FARS2: variants seen among roughly 807,000 people sequenced by gnomAD.
The protein encoded by FARS2 is phenylalanyl-tRNA synthetase 2, mitochondrial.
In FARS2, 40 loss-of-function variants were observed where a neutral mutation model predicts 46.4. The observed-to-expected ratio is 0.86, with a 90% CI of 0.67 to 1.12. FARS2 has a LOEUF of 1.12. FARS2 is among the 50% of genes most tolerant of loss of function. The probability of loss-of-function intolerance (pLI) is 0.00; values close to 1 mark genes in which losing one functional copy is unlikely to be tolerated. For synonymous variants in FARS2, 234 were observed against 214.9 expected (o/e 1.09, Z -0.78); for missense variants, 513 against 567.9 (o/e 0.90, Z 0.98).
chr6:5,315,975 C>T (rs922493608), intron 1 of FARS2, among the ~76,000 whole-genome samples: 7 of 152,226 alleles, frequency 4.6e-5, no homozygotes, highest in Non-Finnish European at 8.8e-5. Context: ...TGCTGATGCT[C>T]ACTGTGTCAT....
intron 6 of FARS2, among the ~76,000 whole-genome samples, chr6:5,668,342 C>T (rs1778250348): frequency 6.6e-6 from 1 of 152,164 alleles, no homozygotes; most frequent in African/African-American, 2.4e-5. Flanking sequence ...AGCAGCAGCT[C>T]ATGTGAATGA....
chr6:5,270,201 T>C (rs1765847135), intron 1 of FARS2, among the ~76,000 whole-genome samples: 1 of 152,228 alleles, frequency 6.6e-6, no homozygotes, highest in African/African-American at 2.4e-5. Context: ...CAGCATACTT[T>C]CTTTCCTGTT....
intron 5 of FARS2, among the ~76,000 whole-genome samples, chr6:5,557,456 C>A (rs1771727551): frequency 6.6e-6 from 1 of 152,136 alleles, no homozygotes. Flanking sequence ...GAGACCTCAG[C>A]AGACTTCCCT....
chr6:5,515,721 G>A (rs184022270), intron 4 of FARS2, among the ~76,000 whole-genome samples: 1 of 152,266 alleles, frequency 6.6e-6, no homozygotes, highest in East Asian at 1.9e-4. Context: ...GAGTCACTGT[G>A]CCCAGCCCAG....
In FARS2 at chr6:5,383,855, G is replaced by A. The variant is rs116155873; in HGVS notation, c.612+14673G>A. On this transcript the variant is annotated intron_variant, in intron 2 of 6. Coordinates refer to ENST00000274680, the MANE Select transcript of FARS2 (RefSeq NM_006567.5). ...CTTCTGTCACCTTCCTATAGAACAG[G>A]TGATGGAATTTAGATGGGGCCTTTG... Among the ~76,000 whole-genome samples the A allele has an allele frequency of 2.0e-3, 310 of 152,052 alleles. 1 individual carries two copies. Among genetic ancestry groups the A allele is most frequent in the African/African-American group, 7.1e-3 (294 of 41,454 alleles).
chr6:5,644,526 T>C (rs1168680938), intron 6 of FARS2, among the ~76,000 whole-genome samples: 1 of 152,150 alleles, frequency 6.6e-6, no homozygotes, highest in East Asian at 1.9e-4. Flanking sequence ...TGTTTCCTTT[T>C]AACCCTTGTT....
intron 6 of FARS2, among the ~76,000 whole-genome samples, chr6:5,679,398 C>T (rs1410830289): frequency 6.6e-6 from 1 of 152,090 alleles, no homozygotes; most frequent in East Asian, 1.9e-4. Flanking sequence ...AACATTAAGC[C>T]CTACTGCACT....
chr6:5,480,698 G>T lies in FARS2; in HGVS notation c.904+49526G>T, dbSNP rs557218623. On this transcript the variant is annotated intron_variant, in intron 4 of 6. Coordinates refer to ENST00000274680, the MANE Select transcript of FARS2 (RefSeq NM_006567.5). ...CTCCTTCTTGCCTCTCTGCCACTCT[G>T]TCCCCTTCCCTCAAATAAAAACTTC... 9.2e-5 allele frequency among the ~76,000 whole-genome samples: 14 copies of T among 152,234 alleles called. No homozygotes were observed. In the South Asian group the frequency reaches 2.9e-3, roughly 32 times the overall value.
At chr6:5,735,525 C>T (rs986939957) in intron 6 of FARS2, among the ~76,000 whole-genome samples, 2 of 152,134 alleles carry the variant, frequency 1.3e-5, no homozygotes, top group African/African-American at 2.4e-5. Flanking sequence ...CCGTTTCTCT[C>T]GAGGCTGTTG....
chr6:5,322,713 T>C (rs1234162960), intron 1 of FARS2, among the ~76,000 whole-genome samples: 1 of 152,196 alleles, frequency 6.6e-6, no homozygotes, highest in Non-Finnish European at 1.5e-5. Context: ...AGACGTGACC[T>C]TTGGGCGCTA....
chr6:5,618,652 G>A (rs1256282522), intron 6 of FARS2, among the ~76,000 whole-genome samples: 1 of 152,200 alleles, frequency 6.6e-6, no homozygotes, highest in African/African-American at 2.4e-5. Flanking sequence ...CCCTGAAGGA[G>A]GATAGATGTT....
chr6:5,488,521 A>G (rs538142661), intron 4 of FARS2, among the ~76,000 whole-genome samples: 1 of 152,332 alleles, frequency 6.6e-6, no homozygotes, highest in South Asian at 2.1e-4. Context: ...ATGTGTTCAT[A>G]TTCACCTGTT....
chr6:5,326,623 C>T (rs1581790169), intron 1 of FARS2, among the ~76,000 whole-genome samples: 1 of 152,192 alleles, frequency 6.6e-6, no homozygotes. Context: ...CTTCGAGTTC[C>T]AGGAGCAGCA....
chr6:5,747,195 A>G (rs1554131582), intron 6 of FARS2, among the ~76,000 whole-genome samples: 1 of 152,224 alleles, frequency 6.6e-6, no homozygotes, highest in Non-Finnish European at 1.5e-5. Context: ...GGTCACAAAG[A>G]TCAGGCGAGA....
At chr6:5,562,991 T>G (rs184966932) in intron 5 of FARS2, among the ~76,000 whole-genome samples, 7 of 151,856 alleles carry the variant, frequency 4.6e-5, no homozygotes, top group Admixed American at 3.3e-4. Context: ...TTTGTTTTTC[T>G]TTTTTGTTTT....
intron 3 of FARS2, among the ~76,000 whole-genome samples, chr6:5,419,608 A>G (rs999912401): frequency 1.3e-5 from 2 of 152,176 alleles, no homozygotes; most frequent in African/African-American, 4.8e-5. Context: ...GAGATTTCCC[A>G]GGGATCCATC....
the FARS2 span, among the ~76,000 whole-genome samples, chr6:5,254,201 G>C: frequency 6.6e-6 from 1 of 152,192 alleles, no homozygotes; most frequent in African/African-American, 2.4e-5. Context: ...TTGACTGCAT[G>C]TCACAAAACC....
chr6:5,369,156 G>T lies in FARS2; in HGVS notation c.586G>T (p.Ala196Ser), dbSNP rs150490093. 1.2e-5 allele frequency: 20 copies of T among 1,609,232 alleles called. No homozygotes were observed. Among genetic ancestry groups the T allele is most frequent in the Non-Finnish European group, 1.5e-5 (18 of 1,179,952 alleles). Residue 196 changes from alanine (A) to serine (S), a missense_variant, in exon 2 of 7, where the codon GCC becomes TCC. Coordinates refer to ENST00000274680, the MANE Select transcript of FARS2 (RefSeq NM_006567.5). Reference sequence around the variant, plus strand: ...CTACCCTATTTTCCACCAGCTGGAGGCCGTGCGGCTCTTCTCCAAGCATGA... The same window carrying T: ...CTACCCTATTTTCCACCAGCTGGAGTCCGTGCGGCTCTTCTCCAAGCATGA... ...QHYPIFHQLE[A>S]VRLFSKHELF...
intron 4 of FARS2, among the ~76,000 whole-genome samples, chr6:5,530,751 A>G (rs1015732919): frequency 2.0e-5 from 3 of 147,182 alleles, no homozygotes; most frequent in Admixed American, 6.8e-5. Context: ...ATATAACTAT[A>G]TATTTATATA....
Sources: allele counts gnomAD v4.1 joint callset (sites outside exome capture counted in the v4.1 genomes callset), GRCh38; gene constraint gnomAD v4.1.1; transcripts MANE v1.5; gene names NCBI Gene and HGNC (gene_info 2026-07-23, HGNC 2026-07-21).